VRK3: variants seen among roughly 807,000 people sequenced by gnomAD.
VRK3 encodes the protein serine/threonine-protein kinase VRK3.
In VRK3, 50 loss-of-function variants were observed where a neutral mutation model predicts 60.4. The observed-to-expected ratio is 0.83, with a 90% confidence interval of 0.66 to 1.05. The LOEUF (loss-of-function observed/expected upper bound fraction) is 1.05, where lower values mean the gene tolerates loss of function less well. Ranked by LOEUF, VRK3 falls within the 50% of genes least tolerant of loss-of-function variation. VRK3 has a pLI of 0.00. For synonymous variants in VRK3, 246 were observed against 227.8 expected (o/e 1.08, Z -0.72); for missense variants, 549 against 585.3 (o/e 0.94, Z 0.64).
At chr19:50,024,994 T>C (rs1327216359) in intron 1 of VRK3, 1 of 152,200 alleles carries the variant, frequency 6.6e-6, no homozygotes, top group African/African-American at 2.4e-5. Context: ...ACGGGATGAC[T>C]TAGACGCCAA....
chr19:49,997,616 A>C (rs927996768), intron 6 of VRK3, 46 bp from the exon 7 acceptor site: 2 of 1,607,494 alleles, frequency 1.2e-6, no homozygotes, highest in African/African-American at 2.7e-5. Context: ...CTGAAGTCTC[A>C]GATAAGGGCC....
At chr19:50,003,607 G>C (rs1303517939) in intron 5 of VRK3, among the ~76,000 whole-genome samples, 1 of 152,246 alleles carries the variant, frequency 6.6e-6, no homozygotes, top group Admixed American at 6.5e-5. Context: ...AAAATGCTTA[G>C]AGCATGGCGC....
At chr19:50,018,962 G>A (rs898479485) in intron 2 of VRK3, 6 of 151,064 alleles carry the variant, frequency 4.0e-5, no homozygotes, top group Non-Finnish European at 7.4e-5. Flanking sequence ...TCAGGAGATC[G>A]AGACCATCTT....
At chr19:50,023,210 A>T (rs1377563445) in intron 1 of VRK3, among the ~76,000 whole-genome samples, 1 of 151,770 alleles carries the variant, frequency 6.6e-6, no homozygotes, top group East Asian at 1.9e-4. Context: ...TTTGAGATGG[A>T]GTTTGGCTCT....
At chr19:49,977,648 G>A (rs1418130608) in intron 14 of VRK3, among the ~76,000 whole-genome samples, 1 of 152,124 alleles carries the variant, frequency 6.6e-6, no homozygotes, top group Non-Finnish European at 1.5e-5. Context: ...GTGACCCCGT[G>A]GTCAGTCTCA....
rs556737676 is a variant in VRK3, at chr19:49,988,488, G to C, written c.1101C>G (p.Pro367=). 1.9e-6 allele frequency: 3 copies of C among 1,612,750 alleles called. No individual in the cohort carries two copies. The East Asian group carries it at 6.7e-5, about 36-fold the overall frequency. Residue 367 remains proline, a synonymous_variant, in exon 12 of 15, where the codon CCC becomes CCG. Transcript: ENST00000316763. ...GGCTCTGGAGGTCGCTGCGGCGGGA[G>C]GGCCCTGGGGAAGGAGGAGTAAAGG... ...ISMDLHKGCG[P]SRRSDLQSLG...
intron 3 of VRK3, among the ~76,000 whole-genome samples, chr19:50,010,067 CACACACATAT>C (rs1245785798): frequency 2.7e-5 from 4 of 150,350 alleles, no homozygotes; most frequent in Admixed American, 6.6e-5. Flanking sequence ...TATACACACA[CACACACATAT>C]ACACACATAC....
chr19:49,987,261 A>C (rs1189785548), intron 12 of VRK3, among the ~76,000 whole-genome samples: 1 of 152,026 alleles, frequency 6.6e-6, no homozygotes, highest in Non-Finnish European at 1.5e-5. Context: ...ACTCATACCC[A>C]CAGCGCTTCC....
At chr19:50,019,756 G>C (rs972891738) in intron 2 of VRK3, among the ~76,000 whole-genome samples, 1 of 129,992 alleles carries the variant, frequency 7.7e-6, no homozygotes, top group Non-Finnish European at 1.6e-5. Flanking sequence ...CCCTGGTCTC[G>C]AACTGCTGAG....
intron 5 of VRK3, among the ~76,000 whole-genome samples, chr19:50,003,064 C>T (rs10403900): frequency 6.6e-6 from 1 of 152,116 alleles, no homozygotes; most frequent in East Asian, 1.9e-4. Flanking sequence ...TTACCATCTC[C>T]CCTCTGCAGA....
chr19:49,992,112 A>C (rs1272719794), intron 10 of VRK3, among the ~76,000 whole-genome samples: 4 of 152,248 alleles, frequency 2.6e-5, no homozygotes, highest in Non-Finnish European at 5.9e-5. Context: ...TGGATCAAAA[A>C]ACAGGTGCAT....
intron 12 of VRK3, among the ~76,000 whole-genome samples, chr19:49,984,332 T>C (rs1177616703): frequency 6.6e-6 from 1 of 152,134 alleles, no homozygotes; most frequent in Non-Finnish European, 1.5e-5. Context: ...CCTGTCTGCC[T>C]AGGAATCTTG....
intron 14 of VRK3, 100 bp downstream of exon 14, chr19:49,978,983 T>C (rs2076376481): frequency 7.7e-7 from 1 of 1,300,970 alleles, no homozygotes; most frequent in Non-Finnish European, 1.0e-6. Flanking sequence ...GGCCCTGGTA[T>C]GAACGTGGAA....
chr19:50,003,575 G>T (rs2076845303), intron 5 of VRK3, among the ~76,000 whole-genome samples: 1 of 152,248 alleles, frequency 6.6e-6, no homozygotes, highest in African/African-American at 2.4e-5. Flanking sequence ...GTTCAGTACT[G>T]GACAGAGACA....
chr19:50,001,151 G>A (rs947608754), intron 5 of VRK3: 1 of 328,484 alleles, frequency 3.0e-6, no homozygotes, highest in Non-Finnish European at 5.6e-6. Context: ...CTAAGTGAGT[G>A]GGGCTCGCTG....
intron 1 of VRK3, among the ~76,000 whole-genome samples, chr19:50,023,846 C>A (rs1273272283): frequency 6.6e-6 from 1 of 152,142 alleles, no homozygotes; most frequent in African/African-American, 2.4e-5. Context: ...TGGATGGTCC[C>A]TAAAAAAGAC....
At chr19:49,987,216 C>T (rs543157350) in intron 12 of VRK3, among the ~76,000 whole-genome samples, 180 of 152,302 alleles carry the variant, frequency 1.2e-3, no homozygotes, top group African/African-American at 4.3e-3. Context: ...CTAGCACGCC[C>T]GCTAGGATCA....
intron 7 of VRK3, 121 bp downstream of exon 7, chr19:49,997,383 A>T (rs1283456058): frequency 1.8e-6 from 2 of 1,104,770 alleles, no homozygotes; most frequent in East Asian, 5.3e-5. Flanking sequence ...CACAGATGGG[A>T]GCAAACCTGG....
chr19:49,988,372 T>G lies in VRK3; in HGVS notation c.1217A>C (p.Lys406Thr). The G allele has an allele frequency of 6.2e-7, 1 of 1,611,434 alleles. No individual in the cohort carries two copies. The highest frequency in any genetic ancestry group is 8.5e-7 in the Non-Finnish European group (1 of 1,178,458). Residue 406 changes from lysine (K) to threonine (T), a missense_variant and splice_region_variant, in exon 12 of 15, where the codon AAG (lysine) becomes ACG (threonine). Transcript: ENST00000316763. ...NTEDIMKQKQKFVDKPGPFVG... is the reference protein window; with the variant it reads ...NTEDIMKQKQTFVDKPGPFVG... ...GGGTTCTGCTGACCCCTAGACTCAC[T>G]TCTGTTTTTGCTTCATGATGTCCTC...
Sources: gnomAD v4.1 joint callset for allele counts (sites outside exome capture counted in the v4.1 genomes callset) on GRCh38, gnomAD v4.1.1 for gene constraint, MANE v1.5 for transcripts, NCBI Gene and HGNC (gene_info 2026-07-23, HGNC 2026-07-21) for gene names.